The following AGAP1 variants were observed in gnomAD, a reference collection of about 807,000 sequenced individuals.
AGAP1 encodes arf-GAP with GTPase, ANK repeat and PH domain-containing protein 1.
Under a neutral mutation model 105.3 loss-of-function variants are expected in AGAP1, and 29 were observed. That is an observed-to-expected ratio of 0.28 (90% CI 0.21 to 0.38). AGAP1 has a LOEUF of 0.38. Ranked by LOEUF, AGAP1 falls within the 10% of genes least tolerant of loss-of-function variation. The pLI is 1.00. For missense variants in AGAP1, 998 were observed against 1,165.1 expected (o/e 0.86, Z 2.09); for synonymous variants, 509 against 485.9 (o/e 1.05, Z -0.63).
chr2:235,580,296 A>G (rs1302536617), intron 1 of AGAP1, among the ~76,000 whole-genome samples: 1 of 151,986 alleles, frequency 6.6e-6, no homozygotes, highest in Non-Finnish European at 1.5e-5. Context: ...AGGTAATTGT[A>G]TTTGACTTTG....
intron 9 of AGAP1, among the ~76,000 whole-genome samples, chr2:235,819,394 C>T (rs367743798): frequency 6.6e-6 from 1 of 152,116 alleles, no homozygotes; most frequent in African/African-American, 2.4e-5. Flanking sequence ...GGATTACAGG[C>T]GTGAGCCACT....
intron 1 of AGAP1, among the ~76,000 whole-genome samples, chr2:235,653,494 TAAAATATAAC>T (rs71064868): frequency 0.14 from 20,394 of 145,312 alleles, 1,715 homozygotes; most frequent in East Asian, 0.29. Flanking sequence ...TAAAATAAAA[TAAAATATAAC>T]ATAACATAAC....
chr2:235,640,407 G>A (rs1023966765), intron 1 of AGAP1, among the ~76,000 whole-genome samples: 4 of 152,178 alleles, frequency 2.6e-5, no homozygotes, highest in African/African-American at 9.7e-5. Context: ...CAGGTCAGAA[G>A]GATAATCTCA....
chr2:235,875,969 A>G lies in AGAP1; in HGVS notation c.1051-7376A>G, dbSNP rs537146998. The stretch of plus-strand genomic sequence containing the variant: ...TAATGAGAGTTAAGTTTGACCATAT[A>G]ATGGAACAAATGTTAATTTCCTCAA... On this transcript the variant is annotated intron_variant, in intron 9 of 17. Coordinates refer to ENST00000304032, the MANE Select transcript of AGAP1 (RefSeq NM_001037131.3). This position sits in a 1 kb window ranked among gnomAD's most constrained non-coding sequence, Gnocchi z 4.0. Among the ~76,000 whole-genome samples, 1 of 152,326 alleles carries G rather than the reference A, an allele frequency of 6.6e-6. No homozygotes were observed. The highest frequency in any genetic ancestry group is 2.1e-4 in the South Asian group (1 of 4,822).
At position 235,801,135 on chromosome 2, in the gene AGAP1, C is replaced by T. The variant is rs779755959; in HGVS notation, c.957+1613C>T. On this transcript the variant is annotated intron_variant, in intron 8 of 17. Coordinates refer to ENST00000304032, the MANE Select transcript of AGAP1 (RefSeq NM_001037131.3). This position sits in a 1 kb window ranked among gnomAD's most constrained non-coding sequence, Gnocchi z 6.0. ...CCCCTTGCTTTTGCTAGTTGCCTTGCGCCACATCAGCTCCCACAGAGGCCA... is the reference window on the plus strand; with the variant it reads ...CCCCTTGCTTTTGCTAGTTGCCTTGTGCCACATCAGCTCCCACAGAGGCCA... Among the ~76,000 whole-genome samples, 4 of 152,160 alleles carry T rather than the reference C, an allele frequency of 2.6e-5. No individual in the cohort carries two copies. Among genetic ancestry groups the T allele is most frequent in the African/African-American group, 4.8e-5 (2 of 41,436 alleles).
intron 1 of AGAP1, among the ~76,000 whole-genome samples, chr2:235,677,103 G>T (rs1441545061): frequency 1.3e-5 from 2 of 152,170 alleles, no homozygotes; most frequent in African/African-American, 4.8e-5. Context: ...TTGCATTCAC[G>T]TTTGCTAGTT....
intron 12 of AGAP1, among the ~76,000 whole-genome samples, chr2:235,950,006 C>A (rs2053666775): frequency 6.6e-6 from 1 of 152,150 alleles, no homozygotes; most frequent in Non-Finnish European, 1.5e-5. Context: ...TGGGAAGACA[C>A]CAAAAATAGC....
chr2:235,753,344 C>T lies in AGAP1; in HGVS notation c.673+2856C>T, dbSNP rs185879849. ...CCCAGGTGATGCTGTGATGAGTGTC[C>T]GTTTTCATGGGCACAGGAGATTTCC... is the stretch of plus-strand genomic sequence containing the variant. On this transcript the variant is annotated intron_variant, in intron 6 of 17. Coordinates refer to ENST00000304032, the MANE Select transcript of AGAP1 (RefSeq NM_001037131.3). The surrounding 1 kb of genome is among the most constrained non-coding windows in gnomAD (Gnocchi z 4.5). 1.7e-3 allele frequency among the ~76,000 whole-genome samples: 257 copies of T among 152,216 alleles called. 1 individual carries two copies. The highest frequency in any genetic ancestry group is 5.5e-3 in the African/African-American group (229 of 41,548).
chr2:235,718,051 C>T lies in AGAP1; in HGVS notation c.310+407C>T, dbSNP rs75068604. On this transcript the variant is annotated intron_variant, in intron 3 of 17. Coordinates refer to ENST00000304032, the MANE Select transcript of AGAP1 (RefSeq NM_001037131.3). ...TAGATAAGAGCCTTCCGGGATAAGA[C>T]GTTCAGATTACCACCACCATATGTT... 1.4e-3 allele frequency among the ~76,000 whole-genome samples: 213 copies of T among 152,186 alleles called. 5 individuals are homozygous for T. The East Asian group carries it at 0.034, about 24-fold the overall frequency.
intron 1 of AGAP1, among the ~76,000 whole-genome samples, chr2:235,688,679 C>G (rs962429474): frequency 6.6e-6 from 1 of 152,134 alleles, no homozygotes; most frequent in South Asian, 2.1e-4. Context: ...CGTGTGTACC[C>G]GTTAAGACTA....
intron 6 of AGAP1, among the ~76,000 whole-genome samples, chr2:235,763,812 A>G (rs959430119): frequency 6.6e-6 from 1 of 152,132 alleles, no homozygotes; most frequent in Non-Finnish European, 1.5e-5. Flanking sequence ...TTGTTATCTG[A>G]TTTCCCACCT....
intron 1 of AGAP1, among the ~76,000 whole-genome samples, chr2:235,533,238 G>A (rs1364076210): frequency 3.3e-5 from 5 of 152,192 alleles, no homozygotes; most frequent in East Asian, 3.8e-4. Flanking sequence ...ACTAGAAACC[G>A]TCATCAGCCA....
chr2:235,707,470 T>TG (rs1559377265), intron 1 of AGAP1, among the ~76,000 whole-genome samples: 2 of 18,664 alleles, frequency 1.1e-4, no homozygotes, highest in Non-Finnish European at 4.8e-4. Flanking sequence ...GCCCTCCCCA[T>TG]GACCCCCCCC....
chr2:235,648,436 C>T (rs1947464393), intron 1 of AGAP1, among the ~76,000 whole-genome samples: 1 of 152,150 alleles, frequency 6.6e-6, no homozygotes, highest in East Asian at 1.9e-4. Flanking sequence ...CACTCACTAA[C>T]ATTCAAGCAC....
At position 235,879,753 on chromosome 2, in the gene AGAP1, C is replaced by T. The variant is rs1372253933; in HGVS notation, c.1051-3592C>T. 6.6e-6 allele frequency among the ~76,000 whole-genome samples: 1 copy of T among 151,898 alleles called. No individual in the cohort carries two copies. Among genetic ancestry groups the T allele is most frequent in the Non-Finnish European group, 1.5e-5 (1 of 68,002 alleles). On this transcript the variant is annotated intron_variant, in intron 9 of 17. Transcript: ENST00000304032. This position sits in a 1 kb window ranked among gnomAD's most constrained non-coding sequence, Gnocchi z 5.0. ...GACCAGCCTGGGCAAGATGATGAGA[C>T]CCTGTCTCTACAAAAAATAAAATAA...
chr2:235,810,489 A>G (rs1432201304), intron 9 of AGAP1, among the ~76,000 whole-genome samples: 3 of 152,068 alleles, frequency 2.0e-5, no homozygotes, highest in Non-Finnish European at 2.9e-5. Flanking sequence ...CTTGTAATGG[A>G]TGGTTTAGGA....
rs1019024392 is a variant in AGAP1 at position 236,000,503 on chromosome 2, C to T, written c.1645+31880C>T. Among the ~76,000 whole-genome samples the T allele has an allele frequency of 4.6e-5, 7 of 152,086 alleles. No individual in the cohort carries two copies. The highest frequency in any genetic ancestry group is 6.5e-5 in the Admixed American group (1 of 15,276). ...CTCCAGTCCAGTCCCCCACCCTGAG[C>T]GTTGATGGTGGGGTGTGCATCCCCC... On this transcript the variant is annotated intron_variant, in intron 13 of 17. Transcript: ENST00000304032. The surrounding 1 kb of genome is among the most constrained non-coding windows in gnomAD (Gnocchi z 4.3).
intron 16 of AGAP1, among the ~76,000 whole-genome samples, chr2:236,052,342 G>C (rs1177578789): frequency 6.6e-6 from 1 of 152,068 alleles, no homozygotes; most frequent in Non-Finnish European, 1.5e-5. Flanking sequence ...AACACACACA[G>C]ATTCAAGACC....
Position 236,109,619 on chromosome 2 carries a change from C to T in AGAP1, c.2115-10573C>T, listed in dbSNP as rs1021572384. The stretch of plus-strand genomic sequence containing the variant: ...GGAATGTCCTAGTCGGCAGCAGTGT[C>T]GGTGTTCTAGACCGGCAGCCGTGGG... On this transcript the variant is annotated intron_variant, in intron 16 of 17. Coordinates refer to ENST00000304032, the MANE Select transcript of AGAP1 (RefSeq NM_001037131.3). The surrounding 1 kb of genome is among the most constrained non-coding windows in gnomAD (Gnocchi z 5.4). Among the ~76,000 whole-genome samples, 3 of 150,118 alleles carry T rather than the reference C, an allele frequency of 2.0e-5. No homozygotes were observed. Among genetic ancestry groups the T allele is most frequent in the Non-Finnish European group, 3.0e-5 (2 of 67,450 alleles).
Sources: allele counts gnomAD v4.1 joint callset (sites outside exome capture counted in the v4.1 genomes callset), GRCh38; gene constraint gnomAD v4.1.1; non-coding constraint Gnocchi (gnomAD v3.1); transcripts MANE v1.5; gene names NCBI Gene and HGNC (gene_info 2026-07-23, HGNC 2026-07-21).